DNAJC18: variants seen among roughly 807,000 people sequenced by gnomAD.
DNAJC18 encodes DnaJ heat shock protein family (Hsp40) member C18.
A neutral mutation model predicts 48.6 loss-of-function variants in DNAJC18; 40 were observed. That is an observed-to-expected ratio of 0.82 (90% CI 0.64 to 1.07). DNAJC18 has a LOEUF of 1.07. DNAJC18 is among the 50% of genes least tolerant of loss of function. The probability of loss-of-function intolerance (pLI) is 0.00; values close to 1 mark genes in which losing one functional copy is unlikely to be tolerated. For missense variants in DNAJC18, 340 were observed against 427.7 expected (o/e 0.79, Z 1.81); for synonymous variants, 135 against 152.2 (o/e 0.89, Z 0.83).
chr5:139,420,269 G>T (rs1385715092), intron 6 of DNAJC18, 44 bp from the exon 7 acceptor site: 1 of 1,559,756 alleles, frequency 6.4e-7, no homozygotes, highest in Non-Finnish European at 8.6e-7. Context: ...ATAATATTTG[G>T]CAATATTACT....
intron 2 of DNAJC18, 73 bp downstream of exon 2, chr5:139,437,299 T>C (rs1750685003): frequency 5.4e-6 from 8 of 1,492,974 alleles, no homozygotes; most frequent in Non-Finnish European, 7.2e-6. Context: ...CAGTCAATAC[T>C]TACATAGCAC....
chr5:139,425,188 G>A (rs1373616918), intron 4 of DNAJC18, 74 bp from the exon 5 acceptor site: 7 of 1,330,122 alleles, frequency 5.3e-6, no homozygotes, highest in Non-Finnish European at 7.4e-6. Flanking sequence ...TTTGGAGATG[G>A]AGTTTTGCTC....
At chr5:139,417,316 A>G (rs1280563515) in intron 7 of DNAJC18, among the ~76,000 whole-genome samples, 1 of 152,242 alleles carries the variant, frequency 6.6e-6, no homozygotes, top group Non-Finnish European at 1.5e-5. Context: ...TGCATTTGGT[A>G]TTTTGCCAAG....
At chr5:139,423,750 CA>C (rs58355923) in intron 5 of DNAJC18, among the ~76,000 whole-genome samples, 10,280 of 126,504 alleles carry the variant, frequency 0.081, 583 homozygotes, top group African/African-American at 0.18. Context: ...TTCCAAAATC[CA>C]AAAAAAAAAA....
At position 139,439,365 on chromosome 5, in the gene DNAJC18, C is replaced by G. The variant is rs1750744252; in HGVS notation, c.40+41G>C. The G allele has an allele frequency of 1.9e-6, 3 of 1,614,040 alleles. No individual in the cohort carries two copies. The highest frequency in any genetic ancestry group is 2.7e-5 in the African/African-American group (2 of 74,958). On this transcript the variant is annotated intron_variant, in intron 1 of 7. Transcript: ENST00000302060. This position sits in a 1 kb window ranked among gnomAD's most constrained non-coding sequence, Gnocchi z 4.1. ...CAGGATCCTCATCCCTGATCTCTCC[C>G]GAAGGCCGCCCTATCCCTCCTTCAG... is the stretch of plus-strand genomic sequence containing the variant.
At chr5:139,429,330 C>T (rs1424081929) in intron 2 of DNAJC18, among the ~76,000 whole-genome samples, 1 of 152,108 alleles carries the variant, frequency 6.6e-6, no homozygotes, top group African/African-American at 2.4e-5. Flanking sequence ...GATCTGCCCA[C>T]CTTGGCCTCC....
intron 7 of DNAJC18, chr5:139,418,629 T>C (rs1759104578): frequency 2.6e-6 from 1 of 378,774 alleles, no homozygotes; most frequent in African/African-American, 2.1e-5. Flanking sequence ...CTCACCAACT[T>C]CCTAATGCAC....
At chr5:139,432,598 C>T (rs1433785575) in intron 2 of DNAJC18, among the ~76,000 whole-genome samples, 1 of 152,244 alleles carries the variant, frequency 6.6e-6, no homozygotes, top group African/African-American at 2.4e-5. Context: ...TCCCAAGTAG[C>T]TGAGACTACA....
intron 2 of DNAJC18, among the ~76,000 whole-genome samples, chr5:139,432,330 A>C (rs1284148318): frequency 1.3e-5 from 2 of 151,900 alleles, no homozygotes; most frequent in Non-Finnish European, 2.9e-5. Flanking sequence ...ACACCCAGCT[A>C]ATTTTTGTAT....
At chr5:139,422,667 C>T in intron 6 of DNAJC18, 41 bp downstream of exon 6, 1 of 1,447,874 alleles carries the variant, frequency 6.9e-7, no homozygotes, top group Non-Finnish European at 9.6e-7. Flanking sequence ...TCTTTCACCC[C>T]CAGACTGTTA....
At chr5:139,436,051 AC>A (rs1443359988) in intron 2 of DNAJC18, among the ~76,000 whole-genome samples, 3 of 149,820 alleles carry the variant, frequency 2.0e-5, no homozygotes, top group Non-Finnish European at 4.4e-5. Context: ...TAATTAAATC[AC>A]CTTATTTGTT....
At chr5:139,416,568 C>A (rs1469167973) in intron 7 of DNAJC18, among the ~76,000 whole-genome samples, 2 of 152,276 alleles carry the variant, frequency 1.3e-5, no homozygotes, top group African/African-American at 4.8e-5. Context: ...GTGCCAGACA[C>A]TGTGCTAAGA....
rs189807484 is a variant in DNAJC18 at position 139,420,654 on chromosome 5, C to A, written c.780-429G>T. Reference sequence around the variant, plus strand: ...AAAAAAAACAGATAGCTCACACCAACCTAGAAGCAATATTTTGGACATGAT... The same window carrying A: ...AAAAAAAACAGATAGCTCACACCAAACTAGAAGCAATATTTTGGACATGAT... On this transcript the variant is annotated intron_variant, in intron 6 of 7. Coordinates refer to ENST00000302060, the MANE Select transcript of DNAJC18 (RefSeq NM_152686.4). Among the ~76,000 whole-genome samples, 154 of 151,130 alleles carry A rather than the reference C, an allele frequency of 1.0e-3. 2 individuals are homozygous for A. Among genetic ancestry groups the A allele is most frequent in the African/African-American group, 3.5e-3 (145 of 41,084 alleles).
At chr5:139,415,287 T>C (rs1184342855) in intron 7 of DNAJC18, among the ~76,000 whole-genome samples, 1 of 152,246 alleles carries the variant, frequency 6.6e-6, no homozygotes, top group Non-Finnish European at 1.5e-5. Flanking sequence ...AACGGAATTA[T>C]TATTTAGCCA....
At chr5:139,426,484 A>ATCTC in intron 3 of DNAJC18, 127 bp from the exon 4 acceptor site, 12 of 1,129,982 alleles carry the variant, frequency 1.1e-5, no homozygotes, top group African/African-American at 1.6e-5. Flanking sequence ...CCAAGAAGAG[A>ATCTC]TGCTTGGGCC....
chr5:139,438,705 C>T (rs199698198), intron 1 of DNAJC18, among the ~76,000 whole-genome samples: 1 of 152,212 alleles, frequency 6.6e-6, no homozygotes, highest in African/African-American at 2.4e-5. Flanking sequence ...CTTCTTGTCA[C>T]CATTTGTAAC....
At chr5:139,422,841 A>C in intron 5 of DNAJC18, 24 bp from the exon 6 acceptor site, 6 of 1,521,264 alleles carry the variant, frequency 3.9e-6, no homozygotes, top group Non-Finnish European at 5.4e-6. Context: ...AAAAATAAAA[A>C]CTTGCTGTAA....
intron 6 of DNAJC18, 183 bp from the exon 7 acceptor site, chr5:139,420,408 T>C: frequency 1.7e-6 from 1 of 590,120 alleles, no homozygotes; most frequent in Non-Finnish European, 2.8e-6. Flanking sequence ...ATCATAATTG[T>C]ATTATGTAAG....
chr5:139,423,818 A>G (rs1284755784), intron 5 of DNAJC18, among the ~76,000 whole-genome samples: 4 of 152,176 alleles, frequency 2.6e-5, no homozygotes, highest in Admixed American at 6.5e-5. Flanking sequence ...GGGATACTCA[A>G]TCTATACCAA....
Sources: allele counts gnomAD v4.1 joint callset (sites outside exome capture counted in the v4.1 genomes callset), GRCh38; gene constraint gnomAD v4.1.1; non-coding constraint Gnocchi (gnomAD v3.1); transcripts MANE v1.5; gene names NCBI Gene and HGNC (gene_info 2026-07-23, HGNC 2026-07-21).